The following TANC1 variants were observed in gnomAD, a reference collection of about 807,000 sequenced individuals.
The protein encoded by TANC1 is tetratricopeptide repeat, ankyrin repeat and coiled-coil containing 1, also known as protein TANC1.
A neutral mutation model predicts 149.7 loss-of-function variants in TANC1; 77 were observed. That is an observed-to-expected ratio of 0.51 (90% CI 0.43 to 0.62). The LOEUF (loss-of-function observed/expected upper bound fraction) is 0.62. Ranked by LOEUF, TANC1 falls within the 20% of genes least tolerant of loss-of-function variation. The pLI, the probability that TANC1 is intolerant of heterozygous loss-of-function variation, is 0.00. For synonymous variants in TANC1, 854 were observed against 925.0 expected (o/e 0.92, Z 1.39); for missense variants, 1,985 against 2,321.8 (o/e 0.85, Z 2.98).
At chr2:159,177,047 T>A (rs993957201) in intron 13 of TANC1, among the ~76,000 whole-genome samples, 4 of 151,710 alleles carry the variant, frequency 2.6e-5, no homozygotes, top group African/African-American at 9.7e-5. Context: ...GTAGCTGGGA[T>A]TACAGGCATC....
chr2:159,031,235 T>C (rs1187511731), intron 2 of TANC1, among the ~76,000 whole-genome samples: 3 of 152,168 alleles, frequency 2.0e-5, no homozygotes, highest in Admixed American at 2.0e-4. Flanking sequence ...TATTTAAATC[T>C]CTATCTTAGA....
chr2:159,054,373 G>C (rs559984550), intron 2 of TANC1, among the ~76,000 whole-genome samples: 44 of 152,306 alleles, frequency 2.9e-4, no homozygotes, highest in Admixed American at 1.4e-3. Context: ...TGGTAAATAA[G>C]GGGTGCTGGC....
At chr2:159,194,174 C>T (rs769438654) in intron 16 of TANC1, 83 bp from the exon 17 acceptor site, 18 of 1,108,980 alleles carry the variant, frequency 1.6e-5, no homozygotes, top group Admixed American at 1.4e-4. Context: ...AAAATGATAC[C>T]GAAAATTGAG....
intron 19 of TANC1, among the ~76,000 whole-genome samples, chr2:159,214,551 T>G (rs907756126): frequency 1.3e-5 from 2 of 152,178 alleles, no homozygotes; most frequent in Admixed American, 6.5e-5. Flanking sequence ...GGACCTTGGC[T>G]CGGCTTACCA....
At chr2:159,044,772 G>C (rs570749013) in intron 2 of TANC1, among the ~76,000 whole-genome samples, 6 of 152,264 alleles carry the variant, frequency 3.9e-5, no homozygotes, top group Admixed American at 3.3e-4. Context: ...CCAAGGGGAT[G>C]GGGGTCAAGA....
At chr2:159,007,218 C>T (rs1363697413) in intron 2 of TANC1, among the ~76,000 whole-genome samples, 2 of 134,670 alleles carry the variant, frequency 1.5e-5, no homozygotes, top group East Asian at 5.0e-4. Context: ...GCGATCTTGG[C>T]TCACCGCAAC....
At chr2:159,150,814 G>T in intron 7 of TANC1, 1 of 407,776 alleles carries the variant, frequency 2.5e-6, no homozygotes, top group Non-Finnish European at 4.4e-6. Context: ...ATCAGATCTG[G>T]CCTGTGAAAC....
Position 159,163,301 on chromosome 2 carries a change from C to G in TANC1, c.701C>G (p.Ser234Cys). Residue 234 changes from serine (S) to cysteine (C), a missense_variant, in exon 8 of 27, where the codon TCC becomes TGC. By Grantham distance (112) the Ser-to-Cys change is moderately radical. Transcript: ENST00000263635. ...SGIIATITSSSENDDRSGSSL... is the reference protein window; with the variant it reads ...SGIIATITSSCENDDRSGSSL... Reference sequence around the variant, plus strand: ...ATTTCAGCCACAATTACAAGTTCATCCGAAAATGATGACCGGAGTGGCTCC... The same window carrying G: ...ATTTCAGCCACAATTACAAGTTCATGCGAAAATGATGACCGGAGTGGCTCC... 1 of 1,613,406 alleles carries G rather than the reference C, an allele frequency of 6.2e-7. No homozygotes were observed. The highest frequency in any genetic ancestry group is 1.1e-5 in the South Asian group (1 of 90,974).
chr2:159,153,650 G>A (rs529600695), intron 7 of TANC1, among the ~76,000 whole-genome samples: 2 of 152,320 alleles, frequency 1.3e-5, no homozygotes, highest in East Asian at 3.9e-4. Context: ...GTAGCCACAG[G>A]TCTTTGAAGA....
At chr2:159,163,018 C>T (rs2054200812) in intron 7 of TANC1, among the ~76,000 whole-genome samples, 1 of 152,220 alleles carries the variant, frequency 6.6e-6, no homozygotes, top group Non-Finnish European at 1.5e-5. Context: ...AACTCTGATA[C>T]TTTTTAGACA....
chr2:159,111,872 A>C (rs1433143478), intron 4 of TANC1, among the ~76,000 whole-genome samples: 1 of 152,244 alleles, frequency 6.6e-6, no homozygotes, highest in Non-Finnish European at 1.5e-5. Flanking sequence ...TGGATGTAAC[A>C]CTTGGATATT....
At chr2:159,019,024 A>G (rs1266401060) in intron 2 of TANC1, among the ~76,000 whole-genome samples, 2 of 152,250 alleles carry the variant, frequency 1.3e-5, no homozygotes, top group African/African-American at 2.4e-5. Context: ...ATAATAACAC[A>G]TTGACACTCA....
chr2:159,228,456 A>G, intron 25 of TANC1: 1 of 298,530 alleles, frequency 3.3e-6, no homozygotes, highest in Non-Finnish European at 6.3e-6. Context: ...CTCCTGCCCC[A>G]GTCTGTTGAG....
At chr2:159,005,086 G>C (rs993517000) in intron 2 of TANC1, among the ~76,000 whole-genome samples, 10 of 152,188 alleles carry the variant, frequency 6.6e-5, no homozygotes, top group Admixed American at 6.5e-4. Flanking sequence ...TGTGGTTCAG[G>C]AACAGCTTTA....
At chr2:159,135,545 T>G (rs62171095) in intron 4 of TANC1, among the ~76,000 whole-genome samples, 5,222 of 152,356 alleles carry the variant, frequency 0.034, 104 homozygotes, top group Non-Finnish European at 0.046. Context: ...ATTCCGGATT[T>G]TCTGATAATA....
rs1029823379 is a variant in TANC1 at position 159,231,652 on chromosome 2, A to G, written c.*640A>G. On this transcript the variant is annotated 3_prime_UTR_variant, in exon 27 of 27. Coordinates refer to ENST00000263635, the MANE Select transcript of TANC1 (RefSeq NM_033394.3). The stretch of plus-strand genomic sequence containing the variant: ...ATGGTTCTTATTCATATATTTTTAT[A>G]GCACTTTTGGAACCTATATTTGTGC... The G allele has an allele frequency of 2.1e-5, 1 of 47,522 alleles. No homozygotes were observed. The highest frequency in any genetic ancestry group is 7.4e-5 in the Non-Finnish European group (1 of 13,426). The allele number at this position is 47,522 out of a possible 1,614,324, so 2.9% of individuals were successfully genotyped here.
intron 2 of TANC1, among the ~76,000 whole-genome samples, chr2:159,044,109 T>G (rs977619643): frequency 6.6e-6 from 1 of 152,236 alleles, no homozygotes; most frequent in Non-Finnish European, 1.5e-5. Flanking sequence ...GAGATCTCCC[T>G]GTATTGTAGT....
At chr2:159,038,057 A>G (rs2040340547) in intron 2 of TANC1, among the ~76,000 whole-genome samples, 1 of 152,160 alleles carries the variant, frequency 6.6e-6, no homozygotes, top group Non-Finnish European at 1.5e-5. Flanking sequence ...GTTCTCCTTG[A>G]AGAAGTCCTT....
In TANC1 at chr2:159,136,045, TGTGTGCGCGC is replaced by T. The variant is rs1406752375; in HGVS notation, c.260-147_260-138del. The T allele has an allele frequency of 6.2e-4, 67 of 107,784 alleles. 5 individuals are homozygous for T. The highest frequency in any genetic ancestry group is 3.7e-3 in the South Asian group (56 of 15,148). 6.7% of individuals were successfully genotyped at this position (107,784 alleles called of 1,614,324 possible). The stretch of plus-strand genomic sequence containing the variant: ...GTGTGTGTGTGTGTGTGTGTGTGTG[TGTGTGCGCGC>T]GCGCGCGTTTAAGGGAGGGGAAGGC... On this transcript the variant is annotated intron_variant, in intron 4 of 26. Transcript: ENST00000263635.
Sources: allele counts gnomAD v4.1 joint callset (sites outside exome capture counted in the v4.1 genomes callset), GRCh38; gene constraint gnomAD v4.1.1; transcripts MANE v1.5; gene names NCBI Gene and HGNC (gene_info 2026-07-23, HGNC 2026-07-21).